The following SRD5A2 variants were observed in gnomAD, a reference collection of about 807,000 sequenced individuals.
SRD5A2 encodes the protein steroid 5 alpha-reductase 2.
SRD5A2 carries 30 observed loss-of-function variants against 27.4 expected under a neutral mutation model. The ratio of observed to expected loss-of-function variants is 1.10; its 90% CI spans 0.82 to 1.49. The LOEUF is 1.49. Among genes scored for constraint, SRD5A2 ranks in the 40% most tolerant of loss-of-function variants. The pLI is 0.00. For synonymous variants in SRD5A2, 141 were observed against 133.6 expected (o/e 1.06, Z -0.38); for missense variants, 348 against 323.4 (o/e 1.08, Z -0.58).
the SRD5A2 span, among the ~76,000 whole-genome samples, chr2:31,633,700 G>C: frequency 6.6e-6 from 1 of 152,118 alleles, no homozygotes; most frequent in African/African-American, 2.4e-5. Context: ...GCAGTCGTCA[G>C]CCAACCTCCC....
chr2:31,620,483 A>G, the SRD5A2 span, among the ~76,000 whole-genome samples: 2 of 152,120 alleles, frequency 1.3e-5, no homozygotes, highest in African/African-American at 2.4e-5. Context: ...CAACTTCAGC[A>G]AAGTCTCAGG....
chr2:31,573,915 T>A (rs977159262), intron 1 of SRD5A2, among the ~76,000 whole-genome samples: 1 of 152,224 alleles, frequency 6.6e-6, no homozygotes, highest in Non-Finnish European at 1.5e-5. Context: ...TGGTAATATG[T>A]CTCTAGTTAC....
rs777711528 is a variant in SRD5A2, at chr2:31,533,737, C to T, written c.311G>A (p.Gly104Glu). The T allele has an allele frequency of 5.0e-6, 8 of 1,603,170 alleles. No individual in the cohort carries two copies. Among genetic ancestry groups the T allele is most frequent in the Non-Finnish European group, 6.8e-6 (8 of 1,174,904 alleles). The change falls in exon 2 of 5, where the codon GGG (glycine) becomes GAG (glutamate). Residue 104 changes from glycine (G) to glutamate (E), a missense_variant. Transcript: ENST00000622030. The stretch of plus-strand genomic sequence containing the variant: ...AATGAGTATAGCTGGATAAGGCCTC[C>T]CTCGATTGAGCAGTGAGTACACAAA... ...RTFVYSLLNR[G>E]RPYPAILILR...
chr2:31,525,961 A>G lies in SRD5A2; in HGVS notation c.*235T>C, dbSNP rs1463013895. ...CAATAGCTAAGAAGCAACTGTCGCCATTTGGAAAAGTGGCTTTTTGAAGCT... is the reference window on the plus strand; with the variant it reads ...CAATAGCTAAGAAGCAACTGTCGCCGTTTGGAAAAGTGGCTTTTTGAAGCT... On this transcript the variant is annotated 3_prime_UTR_variant, in exon 5 of 5. Coordinates refer to ENST00000622030, the MANE Select transcript of SRD5A2 (RefSeq NM_000348.4). The G allele has an allele frequency of 5.0e-6, 2 of 401,800 alleles. No homozygotes were observed. Among genetic ancestry groups the G allele is most frequent in the Non-Finnish European group, 8.9e-6 (2 of 224,356 alleles). The allele number at this position is 401,800 out of a possible 1,614,324, so 24.9% of individuals were successfully genotyped here. A position where few individuals can be genotyped will look rare whatever the true frequency, so the allele number is the denominator to read the frequency against.
chr2:31,600,074 A>G, the SRD5A2 span, among the ~76,000 whole-genome samples: 1 of 152,028 alleles, frequency 6.6e-6, no homozygotes, highest in Admixed American at 6.6e-5. Context: ...ATAAGTGAGA[A>G]CATACAGTAT....
chr2:31,588,929 G>A, the SRD5A2 span, among the ~76,000 whole-genome samples: 64,888 of 151,808 alleles, frequency 0.43, 13,982 homozygotes, highest in Non-Finnish European at 0.44. Context: ...CACACTGTGA[G>A]CTTTTGCTGC....
the SRD5A2 span, among the ~76,000 whole-genome samples, chr2:31,619,883 TC>T: frequency 6.6e-6 from 1 of 152,074 alleles, no homozygotes; most frequent in Non-Finnish European, 1.5e-5. Context: ...CTCCCATTCT[TC>T]AGGTTATCTG....
At chr2:31,610,377 T>C in the SRD5A2 span, among the ~76,000 whole-genome samples, 1 of 152,134 alleles carries the variant, frequency 6.6e-6, no homozygotes, top group Non-Finnish European at 1.5e-5. Context: ...TCAACATATG[T>C]AAATCAATAA....
At chr2:31,575,835 G>A (rs868206549) in intron 1 of SRD5A2, among the ~76,000 whole-genome samples, 16 of 152,134 alleles carry the variant, frequency 1.1e-4, no homozygotes, top group Non-Finnish European at 2.2e-4. Flanking sequence ...AGTTATCAAG[G>A]TCCCATCAAA....
intron 3 of SRD5A2, 113 bp downstream of exon 3, chr2:31,531,258 G>C: frequency 1.4e-6 from 1 of 692,264 alleles, no homozygotes. Flanking sequence ...AGCAAGCTGA[G>C]AGGTATTGTA....
At chr2:31,541,823 C>T (rs774082507) in intron 1 of SRD5A2, among the ~76,000 whole-genome samples, 2 of 152,092 alleles carry the variant, frequency 1.3e-5, no homozygotes, top group Non-Finnish European at 2.9e-5. Flanking sequence ...TCAATGCTGC[C>T]CTGTCACAAT....
Position 31,533,645 on chromosome 2 carries a change from C to T in SRD5A2, c.403G>A (p.Glu135Lys). The T allele has an allele frequency of 1.3e-6, 2 of 1,555,782 alleles. No individual in the cohort carries two copies. The highest frequency in any genetic ancestry group is 2.4e-5 in the South Asian group (2 of 84,216). The change falls in exon 2 of 5, where the codon GAA becomes AAA. Residue 135 changes from glutamate (E) to lysine (K), a missense_variant. Glu to Lys is a moderately conservative substitution (Grantham distance 56). Coordinates refer to ENST00000622030, the MANE Select transcript of SRD5A2 (RefSeq NM_000348.4). ...TCTGTGTACCACCCATCAGGGTATT[C>T]AGCACAGTAAATCAGATAGTAGCCT... ...LQGYYLIYCA[E>K]YPDGWYTDIR...
the SRD5A2 span, among the ~76,000 whole-genome samples, chr2:31,602,300 C>T: frequency 2.6e-5 from 4 of 151,978 alleles, no homozygotes; most frequent in Admixed American, 1.3e-4. Context: ...CATGACTGAA[C>T]TCCCGTTCAC....
At chr2:31,636,626 C>T in the SRD5A2 span, among the ~76,000 whole-genome samples, 1 of 151,940 alleles carries the variant, frequency 6.6e-6, no homozygotes, top group Non-Finnish European at 1.5e-5. Flanking sequence ...TCATATGTGG[C>T]CTTTTCTAAA....
At chr2:31,544,866 A>G (rs999085975) in intron 1 of SRD5A2, among the ~76,000 whole-genome samples, 1 of 151,942 alleles carries the variant, frequency 6.6e-6, no homozygotes, top group African/African-American at 2.4e-5. Flanking sequence ...TAAAAGTGGG[A>G]CATTACTACT....
intron 1 of SRD5A2, among the ~76,000 whole-genome samples, chr2:31,579,602 T>G (rs150385466): frequency 6.6e-6 from 1 of 152,242 alleles, no homozygotes; most frequent in South Asian, 2.1e-4. Context: ...CCAGCTGTAT[T>G]GTCTTCTTTC....
At chr2:31,537,807 G>A (rs1368493807) in intron 1 of SRD5A2, among the ~76,000 whole-genome samples, 1 of 152,124 alleles carries the variant, frequency 6.6e-6, no homozygotes, top group Non-Finnish European at 1.5e-5. Flanking sequence ...TAGGTCATGA[G>A]GGCTCTGCCA....
At chr2:31,647,955 T>C in the SRD5A2 span, among the ~76,000 whole-genome samples, 4 of 152,224 alleles carry the variant, frequency 2.6e-5, no homozygotes, top group African/African-American at 9.6e-5. Context: ...GCATGTGTAT[T>C]ACTTTGCACA....
At chr2:31,584,334 C>T (rs1463578614), upstream of SRD5A2, among the ~76,000 whole-genome samples, 2 of 152,220 alleles carry the variant, frequency 1.3e-5, no homozygotes, top group African/African-American at 4.8e-5. Context: ...TCACAAGTAA[C>T]CTAACACAGT....
Sources: gnomAD v4.1 joint callset for allele counts (sites outside exome capture counted in the v4.1 genomes callset) on GRCh38, gnomAD v4.1.1 for gene constraint, MANE v1.5 for transcripts, NCBI Gene and HGNC (gene_info 2026-07-23, HGNC 2026-07-21) for gene names.